Variants in LAMP1 observed in about 807,000 individuals in gnomAD.
LAMP1 encodes the protein lysosome associated membrane protein 1.
In LAMP1, 7 loss-of-function variants were observed where a neutral mutation model predicts 37.5. That is an observed-to-expected ratio of 0.19 (90% CI 0.11 to 0.35). The LOEUF is 0.35. Ranked by LOEUF, LAMP1 falls within the 10% of genes least tolerant of loss-of-function variation. The pLI is 1.00. For synonymous variants in LAMP1, 236 were observed against 229.1 expected, an observed-to-expected ratio of 1.03 and a Z score of -0.27; for missense variants, 537 against 552.8, an observed-to-expected ratio of 0.97 and a Z score of 0.29.
At position 113,310,882 on chromosome 13, in the gene LAMP1, C is replaced by T. The variant is rs762655981; in HGVS notation, c.562+15C>T. 10 of 1,608,784 alleles carry T rather than the reference C, an allele frequency of 6.2e-6. No individual in the cohort carries two copies. Among genetic ancestry groups the T allele is most frequent in the Middle Eastern group, 1.7e-4 (1 of 6,036 alleles). On this transcript the variant is annotated intron_variant, in intron 4 of 8. Transcript: ENST00000332556. ...CAGCCGGGGAGGTAGGACGCTGACC[C>T]TTGGCCCTCTGGTGCTAGTGGTTGG...
chr13:113,297,453 G>T lies in LAMP1; in HGVS notation c.19G>T (p.Ala7Ser). 2 of 1,153,452 alleles carry T rather than the reference G, an allele frequency of 1.7e-6. No homozygotes were observed. The highest frequency in any genetic ancestry group is 1.6e-5 in the African/African-American group (1 of 62,408). 71.5% of individuals were successfully genotyped at this position (1,153,452 alleles called of 1,614,324 possible). The change falls in exon 1 of 9, where the codon GCC (alanine) becomes TCC (serine). Residue 7 changes from alanine (A) to serine (S), a missense_variant. Coordinates refer to ENST00000332556, the MANE Select transcript of LAMP1 (RefSeq NM_005561.4). This position sits in a 1 kb window ranked among gnomAD's most constrained non-coding sequence, Gnocchi z 4.4. Reference protein sequence around the residue: MAAPGSARRPLLLLLLL... With the variant: MAAPGSSRRPLLLLLLL... ...TCGCGCCATGGCGGCCCCCGGCAGC[G>T]CCCGGCGACCCCTGCTGCTGCTACT... is the stretch of plus-strand genomic sequence containing the variant.
chr13:113,299,480 G>T (rs2042559236), intron 1 of LAMP1, among the ~76,000 whole-genome samples: 1 of 151,816 alleles, frequency 6.6e-6, no homozygotes, highest in Admixed American at 6.6e-5. Flanking sequence ...GGTTAGACTG[G>T]TCTCGATCTC....
chr13:113,315,954 T>C (rs2042661273), intron 4 of LAMP1, among the ~76,000 whole-genome samples: 1 of 151,912 alleles, frequency 6.6e-6, no homozygotes, highest in Non-Finnish European at 1.5e-5. Flanking sequence ...AATATAAAAA[T>C]TAGTCGGGCG....
In LAMP1 at chr13:113,320,507, T is replaced by C; in HGVS notation, c.876+37T>C. 6.3e-7 allele frequency: 1 copy of C among 1,596,030 alleles called. No homozygotes were observed. On this transcript the variant is annotated intron_variant, in intron 6 of 8. Coordinates refer to ENST00000332556, the MANE Select transcript of LAMP1 (RefSeq NM_005561.4). The surrounding 1 kb of genome is among the most constrained non-coding windows in gnomAD (Gnocchi z 4.4). ...GCGGCACCTCTCTGGGGGCGCCCAC[T>C]GTGTCTCCACCACATCTTTTTGTGC...
chr13:113,303,846 C>T (rs1310177913), intron 1 of LAMP1, among the ~76,000 whole-genome samples: 1 of 152,124 alleles, frequency 6.6e-6, no homozygotes, highest in Admixed American at 6.6e-5. Flanking sequence ...GAGGCTGAGG[C>T]AGGTGGATCA....
chr13:113,307,714 T>A (rs1185353419), intron 2 of LAMP1, among the ~76,000 whole-genome samples: 1 of 151,834 alleles, frequency 6.6e-6, no homozygotes, highest in African/African-American at 2.4e-5. Context: ...AATGGCTTTG[T>A]GTTTCTTTGG....
chr13:113,304,660 CT>C (rs1376947385), intron 1 of LAMP1, among the ~76,000 whole-genome samples: 317 of 143,342 alleles, frequency 2.2e-3, no homozygotes, highest in Middle Eastern at 7.2e-3. Flanking sequence ...TTTTCTTTTT[CT>C]TTTTTTTTTT....
rs1566406857 is a variant in LAMP1, at chr13:113,323,291, T to C, written c.*870T>C. ...TTTGGTCTTCTGTTGACATTCGGGG[T>C]GATCCTGTTCTGCGCTGTGTACAAT... On this transcript the variant is annotated 3_prime_UTR_variant, in exon 9 of 9. Coordinates refer to ENST00000332556, the MANE Select transcript of LAMP1 (RefSeq NM_005561.4). The C allele has an allele frequency of 6.6e-6, 1 of 152,104 alleles. No homozygotes were observed. The highest frequency in any genetic ancestry group is 1.5e-5 in the Non-Finnish European group (1 of 68,034). The allele number at this position is 152,104 out of a possible 1,614,324, so 9.4% of individuals were successfully genotyped here.
intron 8 of LAMP1, 78 bp from the exon 9 acceptor site, chr13:113,322,204 G>C (rs2042705136): frequency 2.0e-6 from 3 of 1,473,142 alleles, no homozygotes; most frequent in Non-Finnish European, 2.7e-6. Flanking sequence ...GGCTGATGTG[G>C]GGGAGTGGTG....
intron 3 of LAMP1, among the ~76,000 whole-genome samples, chr13:113,310,265 C>T (rs1404855099): frequency 6.6e-6 from 1 of 151,886 alleles, no homozygotes; most frequent in Non-Finnish European, 1.5e-5. Context: ...CGGTGGCTCA[C>T]GCCTGTAATC....
Position 113,310,696 on chromosome 13 carries a change from T to C in LAMP1, c.404-13T>C. ...GTAGTTTGCAATTGTGATTTTTTTT[T>C]TTTTTAATCTAGAAATCAAGACTGT... On this transcript the variant is annotated splice_polypyrimidine_tract_variant and intron_variant, in intron 3 of 8. Transcript: ENST00000332556. 6.5e-7 allele frequency: 1 copy of C among 1,548,222 alleles called. No individual in the cohort carries two copies. The highest frequency in any genetic ancestry group is 8.7e-7 in the Non-Finnish European group (1 of 1,148,772).
intron 4 of LAMP1, among the ~76,000 whole-genome samples, chr13:113,312,854 A>T (rs1346929304): frequency 6.6e-6 from 1 of 152,208 alleles, no homozygotes; most frequent in Non-Finnish European, 1.5e-5. Flanking sequence ...AACTTCAGCT[A>T]GGGGCAGTGC....
chr13:113,302,555 C>A (rs555264275), intron 1 of LAMP1, among the ~76,000 whole-genome samples: 1 of 151,928 alleles, frequency 6.6e-6, no homozygotes, highest in African/African-American at 2.4e-5. Flanking sequence ...ATGTCAAAAG[C>A]GAGTATTTCT....
At position 113,321,399 on chromosome 13, in the gene LAMP1, T is replaced by C; in HGVS notation, c.877-5T>C. 1 of 1,611,532 alleles carries C rather than the reference T, an allele frequency of 6.2e-7. No individual in the cohort carries two copies. The highest frequency in any genetic ancestry group is 8.5e-7 in the Non-Finnish European group (1 of 1,177,628). ...CCGTGATTAAAGATCATTTTTCTTT[T>C]TAAGAATGCAAGTTCTAGCCGGTTT... is the stretch of plus-strand genomic sequence containing the variant. On this transcript the variant is annotated splice_region_variant and splice_polypyrimidine_tract_variant and intron_variant, in intron 6 of 8. Transcript: ENST00000332556. The surrounding 1 kb of genome is among the most constrained non-coding windows in gnomAD (Gnocchi z 5.6).
At chr13:113,310,610 G>A in intron 3 of LAMP1, 99 bp from the exon 4 acceptor site, 5 of 951,492 alleles carry the variant, frequency 5.3e-6, no homozygotes, top group South Asian at 3.9e-5. Context: ...TAGAAATCAA[G>A]ACTGGAATCT....
At chr13:113,301,751 G>T (rs1220839189) in intron 1 of LAMP1, among the ~76,000 whole-genome samples, 1 of 145,874 alleles carries the variant, frequency 6.9e-6, no homozygotes, top group Non-Finnish European at 1.5e-5. Context: ...GCCTGGGATG[G>T]TATTTTTTTC....
intron 2 of LAMP1, among the ~76,000 whole-genome samples, chr13:113,307,708 G>T (rs1168094717): frequency 1.3e-5 from 2 of 151,348 alleles, no homozygotes; most frequent in African/African-American, 4.9e-5. Flanking sequence ...TGTTGAAATG[G>T]CTTTGTGTTT....
chr13:113,323,401 A>T lies in LAMP1; in HGVS notation c.*980A>T, dbSNP rs1279352863. Reference sequence around the variant, plus strand: ...GCTCACGTAATGCATTGCCTGTAACAATGTAATAAAAAGCCTCTTTCTTTT... The same window carrying T: ...GCTCACGTAATGCATTGCCTGTAACTATGTAATAAAAAGCCTCTTTCTTTT... On this transcript the variant is annotated 3_prime_UTR_variant, in exon 9 of 9. Coordinates refer to ENST00000332556, the MANE Select transcript of LAMP1 (RefSeq NM_005561.4). The T allele has an allele frequency of 6.6e-6, 1 of 151,960 alleles. No homozygotes were observed. Among genetic ancestry groups the T allele is most frequent in the East Asian group, 1.9e-4 (1 of 5,188 alleles). The allele number at this position is 151,960 out of a possible 1,614,324, so 9.4% of individuals were successfully genotyped here.
intron 3 of LAMP1, 33 bp downstream of exon 3, chr13:113,309,895 T>C: frequency 3.3e-6 from 5 of 1,533,420 alleles, no homozygotes; most frequent in Admixed American, 1.7e-5. Context: ...TATGAAGTGA[T>C]AGAAAATTGG....
Sources: gnomAD v4.1 joint callset for allele counts (sites outside exome capture counted in the v4.1 genomes callset) on GRCh38, gnomAD v4.1.1 for gene constraint, Gnocchi (gnomAD v3.1) non-coding constraint, MANE v1.5 for transcripts, NCBI Gene and HGNC (gene_info 2026-07-23, HGNC 2026-07-21) for gene names.